The following VWA8 variants were observed in gnomAD, a reference collection of about 807,000 sequenced individuals.
VWA8 encodes the protein von Willebrand factor A domain containing 8, also known as von Willebrand factor A domain-containing protein 8.
In VWA8, 221 loss-of-function variants were observed where a neutral mutation model predicts 241.5. That is an observed-to-expected ratio of 0.91 (90% confidence interval 0.82 to 1.02). The LOEUF is 1.02. VWA8 is among the 50% of genes least tolerant of loss of function. VWA8 has a pLI of 0.00. For synonymous variants in VWA8, 852 were observed against 827.1 expected, an observed-to-expected ratio of 1.03 and a Z score of -0.52; for missense variants, 2,322 against 2,328.7, an observed-to-expected ratio of 1.00 and a Z score of 0.06.
intron 19 of VWA8, among the ~76,000 whole-genome samples, chr13:41,778,596 ACATTGC>A (rs1868726056): frequency 6.6e-6 from 1 of 152,094 alleles, no homozygotes; most frequent in African/African-American, 2.4e-5. Context: ...AGAGGAAATT[ACATTGC>A]TCTTTTGTAT....
Position 41,868,436 on chromosome 13 carries a change from T to A in VWA8, c.1122A>T (p.Lys374Asn), listed in dbSNP as rs367695316. The change falls in exon 10 of 45, where the codon AAA (lysine) becomes AAT (asparagine). Residue 374 changes from lysine (K) to asparagine (N), a missense_variant. By Grantham distance (94) the Lys-to-Asn change is moderately conservative. Coordinates refer to ENST00000379310, the MANE Select transcript of VWA8 (RefSeq NM_015058.2). ...LQDSGSSLLP[K>N]EIVKVEKMME... ...TCATCTTCTCTACTTTTACAATCTC[T>A]TTAGGAAGTAGAGAGCTTCCTGAAT... The A allele has an allele frequency of 1.1e-5, 17 of 1,613,956 alleles. No homozygotes were observed. The highest frequency in any genetic ancestry group is 3.3e-5 in the Admixed American group (2 of 59,994).
At chr13:41,750,546 C>T (rs2045647990) in intron 21 of VWA8, among the ~76,000 whole-genome samples, 1 of 151,430 alleles carries the variant, frequency 6.6e-6, no homozygotes, top group Non-Finnish European at 1.5e-5. Context: ...AAATTATCAA[C>T]ATTAACAGAC....
At chr13:41,644,924 G>A in intron 37 of VWA8, among the ~76,000 whole-genome samples, 1 of 152,168 alleles carries the variant, frequency 6.6e-6, no homozygotes. Context: ...TTCATTTAAA[G>A]TTTCCAAGAA....
chr13:41,659,582 GGT>G (rs1385100248), intron 37 of VWA8, among the ~76,000 whole-genome samples: 7 of 152,164 alleles, frequency 4.6e-5, no homozygotes, highest in African/African-American at 1.7e-4. Flanking sequence ...TAACTCCCAG[GGT>G]GTTAGTCTTT....
At position 41,634,264 on chromosome 13, in the gene VWA8, T is replaced by C. The variant is rs536824340; in HGVS notation, c.4612-19180A>G. On this transcript the variant is annotated intron_variant, in intron 37 of 44. Coordinates refer to ENST00000379310, the MANE Select transcript of VWA8 (RefSeq NM_015058.2). ...CTCCAGAGCCTGTACTATCCTCTAT[T>C]GCATTATTATAATTCTTCATGACAC... 4.4e-4 allele frequency among the ~76,000 whole-genome samples: 67 copies of C among 152,268 alleles called. 1 individual carries two copies. In the South Asian group the frequency reaches 0.013, roughly 30 times the overall value.
At chr13:41,778,625 G>A (rs1438353140) in intron 19 of VWA8, among the ~76,000 whole-genome samples, 2 of 151,724 alleles carry the variant, frequency 1.3e-5, no homozygotes, top group African/African-American at 4.8e-5. Context: ...TGAAAAATAA[G>A]ACACCTGTAA....
chr13:41,914,880 T>G lies in VWA8; in HGVS notation c.242-2712A>C, dbSNP rs1039450064. 3.3e-5 allele frequency among the ~76,000 whole-genome samples: 5 copies of G among 152,336 alleles called. No homozygotes were observed. In the East Asian group the frequency reaches 9.7e-4, roughly 29 times the overall value. On this transcript the variant is annotated intron_variant, in intron 2 of 44. Transcript: ENST00000379310. The stretch of plus-strand genomic sequence containing the variant: ...TTAACTTCCTCCCACCTTTTATTAT[T>G]TATGACTATTGGTAACTGTTTATAA...
chr13:41,637,511 T>C (rs1195218828), intron 37 of VWA8, among the ~76,000 whole-genome samples: 1 of 151,396 alleles, frequency 6.6e-6, no homozygotes, highest in Admixed American at 6.6e-5. Context: ...CATGTATACA[T>C]ACGTAACAAA....
intron 37 of VWA8, among the ~76,000 whole-genome samples, chr13:41,633,973 C>T (rs146441342): frequency 2.6e-5 from 4 of 152,284 alleles, no homozygotes; most frequent in Non-Finnish European, 5.9e-5. Flanking sequence ...TCTCCCTATA[C>T]CCCTCCCACT....
chr13:41,581,870 G>A (rs7326977), intron 42 of VWA8, among the ~76,000 whole-genome samples: 7,746 of 152,188 alleles, frequency 0.051, 328 homozygotes, highest in African/African-American at 0.11. Flanking sequence ...AGATTACAGT[G>A]AAAACATTCC....
chr13:41,808,328 G>A (rs1870312834), intron 17 of VWA8, among the ~76,000 whole-genome samples: 1 of 152,092 alleles, frequency 6.6e-6, no homozygotes, highest in African/African-American at 2.4e-5. Flanking sequence ...ACTTTAATTG[G>A]CTCATGGTGC....
chr13:41,766,895 G>A (rs542117800), intron 20 of VWA8, among the ~76,000 whole-genome samples: 3 of 152,248 alleles, frequency 2.0e-5, no homozygotes, highest in South Asian at 2.1e-4. Flanking sequence ...TCAGTTTAAG[G>A]TTGTAAAATC....
intron 17 of VWA8, among the ~76,000 whole-genome samples, chr13:41,799,667 C>T (rs1869859578): frequency 6.6e-6 from 1 of 152,100 alleles, no homozygotes. Context: ...ACCACTTAGC[C>T]CTATTCCTAT....
chr13:41,573,486 A>AAATATATAT, intron 43 of VWA8, among the ~76,000 whole-genome samples: 2 of 113,614 alleles, frequency 1.8e-5, no homozygotes, highest in African/African-American at 6.9e-5. Flanking sequence ...AAAAAAAAAA[A>AAATATATAT]ATATATATAT....
At chr13:41,821,296 T>A (rs1870947365) in intron 14 of VWA8, among the ~76,000 whole-genome samples, 1 of 152,200 alleles carries the variant, frequency 6.6e-6, no homozygotes, top group South Asian at 2.1e-4. Context: ...CTAAGACAGC[T>A]GATATGTTAG....
At chr13:41,642,562 CAAAAAAA>C (rs1156882566) in intron 37 of VWA8, among the ~76,000 whole-genome samples, 12 of 61,556 alleles carry the variant, frequency 1.9e-4, no homozygotes, top group Middle Eastern at 7.9e-3. Flanking sequence ...CCGTCTCAAA[CAAAAAAA>C]AAAAAAAAAG....
intron 37 of VWA8, among the ~76,000 whole-genome samples, chr13:41,625,531 G>T (rs1349218550): frequency 6.6e-6 from 1 of 152,146 alleles, no homozygotes; most frequent in Non-Finnish European, 1.5e-5. Context: ...ACCACAATGA[G>T]ATACCATCTC....
chr13:41,842,112 A>G (rs1872084201), intron 12 of VWA8, among the ~76,000 whole-genome samples: 1 of 152,022 alleles, frequency 6.6e-6, no homozygotes, highest in African/African-American at 2.4e-5. Flanking sequence ...AGTATTAACT[A>G]TGCCCACACC....
At chr13:41,830,457 A>G in intron 14 of VWA8, 72 bp downstream of exon 14, 1 of 1,273,892 alleles carries the variant, frequency 7.8e-7, no homozygotes. Context: ...TTCTAGGTTT[A>G]GAAAAATCAT....
Sources: gnomAD v4.1 joint callset for allele counts (sites outside exome capture counted in the v4.1 genomes callset) on GRCh38, gnomAD v4.1.1 for gene constraint, MANE v1.5 for transcripts, NCBI Gene and HGNC (gene_info 2026-07-23, HGNC 2026-07-21) for gene names.